CSGALNACT1: variants seen among roughly 807,000 people sequenced by gnomAD.
CSGALNACT1 encodes chondroitin sulfate N-acetylgalactosaminyltransferase 1, also known as beta4GalNAcT-1.
Under a neutral mutation model 51.0 loss-of-function variants are expected in CSGALNACT1, and 52 were observed. That is an observed-to-expected ratio of 1.02 (90% CI 0.82 to 1.29). The LOEUF (loss-of-function observed/expected upper bound fraction) is 1.29, where lower values mean the gene tolerates loss of function less well. Among genes scored for constraint, CSGALNACT1 ranks in the 50% most tolerant of loss-of-function variants. The pLI is 0.00. For missense variants in CSGALNACT1, 935 were observed against 679.2 expected, an observed-to-expected ratio of 1.38 and a Z score of -4.19; for synonymous variants, 341 against 254.4, an observed-to-expected ratio of 1.34 and a Z score of -3.24.
rs201978155 is a variant in CSGALNACT1 at position 19,548,395 on chromosome 8, G to C, written c.-296-42265C>G. ...GACTCTAAACTCATGATTCATATGA[G>C]ACTAAAAAATAGATTATTTTTCAAT... On this transcript the variant is annotated intron_variant, in intron 3 of 9. Coordinates refer to ENST00000454498, the Ensembl canonical transcript of CSGALNACT1. 2.1e-4 allele frequency among the ~76,000 whole-genome samples: 32 copies of C among 152,080 alleles called. No homozygotes were observed. The East Asian group carries it at 6.0e-3, about 28-fold the overall frequency.
chr8:19,667,025 AAGGAAGGAAGGAAGG>A (rs1282980922), intron 1 of CSGALNACT1, among the ~76,000 whole-genome samples: 1,736 of 41,480 alleles, frequency 0.042, 252 homozygotes, highest in African/African-American at 0.18. Context: ...GAAAGGAAGG[AAGGAAGGAAGGAAGG>A]AAGAAAGAAA....
At chr8:19,502,054 C>G (rs74544767) in intron 4 of CSGALNACT1, among the ~76,000 whole-genome samples, 1 of 152,214 alleles carries the variant, frequency 6.6e-6, no homozygotes, top group African/African-American at 2.4e-5. Flanking sequence ...AATTAGACAT[C>G]TGTCTGATAT....
intron 2 of CSGALNACT1, among the ~76,000 whole-genome samples, chr8:19,593,109 C>T (rs1489107242): frequency 1.3e-5 from 2 of 152,184 alleles, no homozygotes; most frequent in African/African-American, 4.8e-5. Context: ...AAGAAGCTAA[C>T]TGCTTCAGTA....
In CSGALNACT1 at chr8:19,520,626, G is replaced by A. The variant is rs555344482; in HGVS notation, c.-296-14496C>T. ...TTCTATGCACAGATAGATGCCACATGACAATTATTTAATCCAAGTTTTACA... is the reference window on the plus strand; with the variant it reads ...TTCTATGCACAGATAGATGCCACATAACAATTATTTAATCCAAGTTTTACA... On this transcript the variant is annotated intron_variant, in intron 3 of 9. Transcript: ENST00000454498. 5.9e-5 allele frequency among the ~76,000 whole-genome samples: 9 copies of A among 152,354 alleles called. No individual in the cohort carries two copies. In the South Asian group the frequency reaches 1.7e-3, roughly 28 times the overall value.
chr8:19,565,649 T>G (rs1236479637), intron 3 of CSGALNACT1, among the ~76,000 whole-genome samples: 2 of 152,238 alleles, frequency 1.3e-5, no homozygotes, highest in Non-Finnish European at 1.5e-5. Context: ...CCGGGCACAG[T>G]GGCTCACACC....
In CSGALNACT1 at chr8:19,498,097, G is replaced by T. The variant is rs527281819; in HGVS notation, c.634+7104C>A. ...CTCCTCAGGCTGTGTCAACGGGCACGTATCCACGACCGTGACAAAATAAAC... is the reference window on the plus strand; with the variant it reads ...CTCCTCAGGCTGTGTCAACGGGCACTTATCCACGACCGTGACAAAATAAAC... On this transcript the variant is annotated intron_variant, in intron 4 of 9. Transcript: ENST00000454498. Among the ~76,000 whole-genome samples the T allele has an allele frequency of 7.9e-5, 12 of 152,262 alleles. No individual in the cohort carries two copies. The East Asian group carries it at 2.1e-3, about 27-fold the overall frequency.
intron 3 of CSGALNACT1, among the ~76,000 whole-genome samples, chr8:19,549,619 C>A (rs376433990): frequency 2.0e-5 from 3 of 151,438 alleles, no homozygotes; most frequent in Middle Eastern, 6.9e-3. Flanking sequence ...CCTTTTCTCC[C>A]CATCAGGAAA....
chr8:19,570,245 T>C (rs191465635), intron 3 of CSGALNACT1, among the ~76,000 whole-genome samples: 2 of 152,214 alleles, frequency 1.3e-5, no homozygotes, highest in African/African-American at 4.8e-5. Context: ...AAACAAAAAG[T>C]GTTGGCTGTT....
intron 1 of CSGALNACT1, among the ~76,000 whole-genome samples, chr8:19,738,894 AT>A (rs1202122187): frequency 6.6e-6 from 1 of 152,162 alleles, no homozygotes. Flanking sequence ...AAACAAGTAA[AT>A]GACAATATGA....
intron 1 of CSGALNACT1, among the ~76,000 whole-genome samples, chr8:19,750,963 G>GA (rs1417602811): frequency 1.3e-5 from 2 of 152,146 alleles, no homozygotes; most frequent in African/African-American, 2.4e-5. Context: ...TGAGCTGCTA[G>GA]AAAAAGCTAC....
At chr8:19,470,903 C>T (rs1247728384) in intron 4 of CSGALNACT1, among the ~76,000 whole-genome samples, 1 of 152,084 alleles carries the variant, frequency 6.6e-6, no homozygotes, top group Non-Finnish European at 1.5e-5. Context: ...CCAGACTAGC[C>T]TGGCCAATGT....
chr8:19,598,407 C>T (rs935749709), intron 2 of CSGALNACT1, among the ~76,000 whole-genome samples: 1 of 152,190 alleles, frequency 6.6e-6, no homozygotes, highest in Non-Finnish European at 1.5e-5. Flanking sequence ...CCCCTCATTC[C>T]ATTCAACGAA....
chr8:19,535,437 T>C (rs192391226), intron 3 of CSGALNACT1, among the ~76,000 whole-genome samples: 115 of 152,326 alleles, frequency 7.5e-4, no homozygotes, highest in African/African-American at 2.5e-3. Flanking sequence ...AAAGGATCTC[T>C]CTATAAGGGG....
chr8:19,619,938 C>A (rs912087633), intron 1 of CSGALNACT1, among the ~76,000 whole-genome samples: 2 of 152,144 alleles, frequency 1.3e-5, no homozygotes, highest in Non-Finnish European at 2.9e-5. Context: ...GCAAATTATC[C>A]TTCTAAATTC....
chr8:19,688,293 T>C (rs949829158), intron 1 of CSGALNACT1, among the ~76,000 whole-genome samples: 2 of 152,138 alleles, frequency 1.3e-5, no homozygotes, highest in East Asian at 1.9e-4. Flanking sequence ...TTCATACCTA[T>C]AGGGACGTCA....
At chr8:19,458,583 G>T in exon 5 of CSGALNACT1, 2 of 1,614,076 alleles carry the variant, frequency 1.2e-6, no homozygotes, top group East Asian at 2.2e-5. Flanking sequence ...TCGTGTTTGT[G>T]GTCCCCTTTG....
chr8:19,685,581 T>A (rs1726301724), upstream of CSGALNACT1, among the ~76,000 whole-genome samples: 1 of 152,232 alleles, frequency 6.6e-6, no homozygotes, highest in African/African-American at 2.4e-5. Flanking sequence ...TACATGGTTC[T>A]TTAAAAGGAA....
chr8:19,640,252 G>T (rs750009004), intron 1 of CSGALNACT1, among the ~76,000 whole-genome samples: 15 of 152,266 alleles, frequency 9.9e-5, no homozygotes, highest in Non-Finnish European at 2.1e-4. Flanking sequence ...CTCACTTTAT[G>T]AAATGTATTT....
upstream of CSGALNACT1, chr8:19,683,201 G>A (rs1332147689): frequency 6.5e-6 from 1 of 154,566 alleles, no homozygotes; most frequent in Non-Finnish European, 1.4e-5. Context: ...TCCACGATGT[G>A]TAAAATTCTA....
Sources: allele counts gnomAD v4.1 joint callset (sites outside exome capture counted in the v4.1 genomes callset), GRCh38; gene constraint gnomAD v4.1.1; transcripts MANE v1.5; gene names NCBI Gene and HGNC (gene_info 2026-07-23, HGNC 2026-07-21).